The following GLG1 variants were observed in gnomAD, a reference collection of about 807,000 sequenced individuals.
GLG1 encodes the protein golgi glycoprotein 1.
In GLG1, 38 loss-of-function variants were observed where a neutral mutation model predicts 160.5. That is an observed-to-expected ratio of 0.24 (90% CI 0.18 to 0.31). GLG1 has a LOEUF of 0.31. Ranked by LOEUF, GLG1 falls within the 10% of genes least tolerant of loss-of-function variation. The probability of loss-of-function intolerance (pLI) is 1.00; values close to 1 mark genes in which losing one functional copy is unlikely to be tolerated. For missense variants in GLG1, 1,373 were observed against 1,505.2 expected, an observed-to-expected ratio of 0.91 and a Z score of 1.45; for synonymous variants, 644 against 543.4, an observed-to-expected ratio of 1.19 and a Z score of -2.57.
At chr16:74,512,556 G>T (rs949786374) in intron 2 of GLG1, among the ~76,000 whole-genome samples, 1 of 152,080 alleles carries the variant, frequency 6.6e-6, no homozygotes, top group East Asian at 1.9e-4. Context: ...GAGTCATCGC[G>T]CCTGGCCTCA....
At chr16:74,484,345 T>C (rs2015715960) in intron 9 of GLG1, among the ~76,000 whole-genome samples, 2 of 151,726 alleles carry the variant, frequency 1.3e-5, no homozygotes, top group Non-Finnish European at 2.9e-5. Context: ...TTTGTTTTTG[T>C]TTTTTTTGAG....
At chr16:74,552,058 G>A (rs2161732) in intron 1 of GLG1, among the ~76,000 whole-genome samples, 4 of 151,834 alleles carry the variant, frequency 2.6e-5, no homozygotes, top group Admixed American at 1.3e-4. Flanking sequence ...CTAGTTTGGG[G>A]GATGTGGAAA....
chr16:74,478,013 T>TAAATAAAAAAAA (rs548461001), intron 11 of GLG1, among the ~76,000 whole-genome samples: 3 of 150,516 alleles, frequency 2.0e-5, no homozygotes, highest in South Asian at 2.1e-4. Flanking sequence ...AATAAATAAA[T>TAAATAAAAAAAA]AAAATGTGCA....
At chr16:74,457,832 A>T in intron 24 of GLG1, 42 bp downstream of exon 24, 1 of 1,600,138 alleles carries the variant, frequency 6.2e-7, no homozygotes, top group Non-Finnish European at 8.6e-7. Flanking sequence ...TGCTCTTCCC[A>T]AGAGAGTTCA....
At chr16:74,510,841 T>C (rs2016781386) in intron 2 of GLG1, among the ~76,000 whole-genome samples, 1 of 152,084 alleles carries the variant, frequency 6.6e-6, no homozygotes, top group African/African-American at 2.4e-5. Flanking sequence ...ATGGCATCAC[T>C]GGGTACCACA....
chr16:74,565,939 C>A (rs191577044), intron 1 of GLG1, among the ~76,000 whole-genome samples: 52 of 152,308 alleles, frequency 3.4e-4, no homozygotes, highest in Admixed American at 2.2e-3. Context: ...AGTCACCATG[C>A]CTTCTTAGGC....
At chr16:74,590,795 CA>C (rs71158529) in intron 1 of GLG1, among the ~76,000 whole-genome samples, 22,338 of 68,692 alleles carry the variant, frequency 0.33, 1,537 homozygotes, top group Middle Eastern at 0.43. Flanking sequence ...GAAACTGTCT[CA>C]AAAAAAAAAA....
chr16:74,471,678 G>A (rs1049262381), intron 14 of GLG1, among the ~76,000 whole-genome samples: 3 of 152,132 alleles, frequency 2.0e-5, no homozygotes, highest in Non-Finnish European at 4.4e-5. Context: ...GGTACTAGGA[G>A]ACAGTTGGAA....
chr16:74,570,094 A>G (rs1029326378), intron 1 of GLG1, among the ~76,000 whole-genome samples: 23 of 152,060 alleles, frequency 1.5e-4, no homozygotes, highest in Admixed American at 4.6e-4. Flanking sequence ...TTGAAAAGAC[A>G]AATGGTTTTT....
At chr16:74,537,352 G>T (rs1463639634) in intron 1 of GLG1, among the ~76,000 whole-genome samples, 2 of 152,016 alleles carry the variant, frequency 1.3e-5, no homozygotes, top group Non-Finnish European at 2.9e-5. Flanking sequence ...ATCAGGAAAT[G>T]GTTAAAAAAC....
intron 1 of GLG1, among the ~76,000 whole-genome samples, chr16:74,556,160 G>GT (rs2018347469): frequency 6.6e-6 from 1 of 152,136 alleles, no homozygotes. Context: ...TTATATTACA[G>GT]TTAACAGTTA....
rs184566036 is a variant in GLG1, at chr16:74,559,358, C to T, written c.439-27205G>A. On this transcript the variant is annotated intron_variant, in intron 1 of 25. Transcript: ENST00000422840. Reference sequence around the variant, plus strand: ...CTCAGGAGGCTGAGGGCAGGAGGATCGTTTGAGCCCAGGAGTTTGAGGCTG... The same window carrying T: ...CTCAGGAGGCTGAGGGCAGGAGGATTGTTTGAGCCCAGGAGTTTGAGGCTG... Among the ~76,000 whole-genome samples the T allele has an allele frequency of 5.3e-5, 8 of 151,154 alleles. No individual in the cohort carries two copies. The East Asian group carries it at 1.6e-3, about 30-fold the overall frequency.
intron 2 of GLG1, among the ~76,000 whole-genome samples, chr16:74,530,465 G>A (rs1329531290): frequency 6.6e-6 from 1 of 152,122 alleles, no homozygotes; most frequent in African/African-American, 2.4e-5. Flanking sequence ...ATCCTAGTGT[G>A]AAAAGCAGCC....
Position 74,451,031 on chromosome 16 carries a change from T to A in GLG1, c.*2136A>T, listed in dbSNP as rs1161954075. 3 of 152,102 alleles carry A rather than the reference T, an allele frequency of 2.0e-5. No homozygotes were observed. Among genetic ancestry groups the A allele is most frequent in the African/African-American group, 7.2e-5 (3 of 41,382 alleles). The allele number at this position is 152,102 out of a possible 1,614,324, so 9.4% of individuals were successfully genotyped here. On this transcript the variant is annotated 3_prime_UTR_variant, in exon 26 of 26. Transcript: ENST00000422840. ...CAGAGAGGAAGGATACCCCACCCGG[T>A]CAAACAGTGAACATCCATCCTACCT...
chr16:74,554,692 T>A (rs2018304601), intron 1 of GLG1, among the ~76,000 whole-genome samples: 1 of 152,198 alleles, frequency 6.6e-6, no homozygotes, highest in Admixed American at 6.5e-5. Context: ...GGAACTTTGG[T>A]AAAGTGCATG....
chr16:74,598,919 T>TAA (rs1211265352), intron 1 of GLG1, among the ~76,000 whole-genome samples: 2 of 151,300 alleles, frequency 1.3e-5, no homozygotes, highest in East Asian at 3.9e-4. Context: ...TATATATATA[T>TAA]AACTTATATA....
intron 1 of GLG1, among the ~76,000 whole-genome samples, chr16:74,545,887 A>T (rs1336655458): frequency 6.6e-6 from 1 of 152,208 alleles, no homozygotes; most frequent in Non-Finnish European, 1.5e-5. Flanking sequence ...TGTAAAAGTA[A>T]ATGTTTGTTA....
In GLG1 at chr16:74,483,144, A is replaced by C; in HGVS notation, c.1572-20T>G. The C allele has an allele frequency of 2.2e-6, 3 of 1,384,224 alleles. No individual in the cohort carries two copies. Among genetic ancestry groups the C allele is most frequent in the Non-Finnish European group, 3.1e-6 (3 of 970,832 alleles). 85.7% of individuals were successfully genotyped at this position (1,384,224 alleles called of 1,614,324 possible). A position where few individuals can be genotyped will look rare whatever the true frequency, so the allele number is the denominator to read the frequency against. On this transcript the variant is annotated intron_variant, in intron 9 of 25. Transcript: ENST00000422840. ...AAGATCCTAGCCATTAAATGTGTAA[A>C]ATTGTAACAAGAGAGAAGTGTTCAG...
At chr16:74,498,467 T>TATATATATATATATA (rs1555510304) in intron 4 of GLG1, among the ~76,000 whole-genome samples, 2 of 55,882 alleles carry the variant, frequency 3.6e-5, no homozygotes, top group Non-Finnish European at 3.6e-5. Flanking sequence ...TATATATATA[T>TATATATATATATATA]TATATTTTAT....
Sources: gnomAD v4.1 joint callset for allele counts (sites outside exome capture counted in the v4.1 genomes callset) on GRCh38, gnomAD v4.1.1 for gene constraint, MANE v1.5 for transcripts, NCBI Gene and HGNC (gene_info 2026-07-23, HGNC 2026-07-21) for gene names.